Variants in TRIM37 observed in about 807,000 individuals in gnomAD.
TRIM37 encodes the protein tripartite motif containing 37.
In TRIM37, 80 loss-of-function variants were observed where a neutral mutation model predicts 129.8. The observed-to-expected ratio is 0.62, with a 90% confidence interval of 0.51 to 0.74. The LOEUF (loss-of-function observed/expected upper bound fraction) is 0.74, where lower values mean the gene tolerates loss of function less well. Among genes scored for constraint, TRIM37 ranks in the 30% least tolerant of loss-of-function variants. The pLI is 0.00. For missense variants in TRIM37, 1,054 were observed against 1,176.5 expected, an observed-to-expected ratio of 0.90 and a Z score of 1.52; for synonymous variants, 389 against 387.1, an observed-to-expected ratio of 1.00 and a Z score of -0.06.
chr17:59,048,570 T>C (rs1454406789), intron 15 of TRIM37, among the ~76,000 whole-genome samples: 2 of 152,214 alleles, frequency 1.3e-5, no homozygotes, highest in African/African-American at 4.8e-5. Context: ...CATGTACTAG[T>C]TTCAGTGAAT....
chr17:58,972,723 G>T, the TRIM37 span: 1 of 987,428 alleles, frequency 1.0e-6, no homozygotes, highest in East Asian at 2.5e-5. Flanking sequence ...GAGAAACAAA[G>T]AGAACCTTTT....
intron 19 of TRIM37, among the ~76,000 whole-genome samples, chr17:59,020,082 T>A: frequency 6.6e-6 from 1 of 151,068 alleles, no homozygotes; most frequent in East Asian, 2.0e-4. Flanking sequence ...AATACAAAAA[T>A]TAGCCCGGTG....
At chr17:59,067,255 G>T (rs996492541) in intron 9 of TRIM37, among the ~76,000 whole-genome samples, 2 of 152,180 alleles carry the variant, frequency 1.3e-5, no homozygotes, top group Non-Finnish European at 2.9e-5. Context: ...TGTGTCTGCA[G>T]ATGAGGCACT....
At chr17:59,081,263 T>A in intron 5 of TRIM37, 44 bp from the exon 6 acceptor site, 2 of 1,600,138 alleles carry the variant, frequency 1.2e-6, no homozygotes, top group Non-Finnish European at 1.7e-6. Flanking sequence ...ACATATCTCA[T>A]CTGCATTTAC....
chr17:59,067,186 T>A (rs538467453), intron 9 of TRIM37, among the ~76,000 whole-genome samples: 1 of 152,300 alleles, frequency 6.6e-6, no homozygotes, highest in African/African-American at 2.4e-5. Flanking sequence ...CACCACCACA[T>A]CTCCATATTA....
chr17:58,991,862 A>G (rs948347584), intron 24 of TRIM37, among the ~76,000 whole-genome samples: 5 of 152,112 alleles, frequency 3.3e-5, no homozygotes, highest in Non-Finnish European at 5.9e-5. Flanking sequence ...GCGTCTCAGT[A>G]AAGACTCTAC....
chr17:59,017,190 T>G, intron 20 of TRIM37, 106 bp downstream of exon 20: 1 of 1,419,020 alleles, frequency 7.0e-7, no homozygotes, highest in East Asian at 2.3e-5. Context: ...AAATCCAACT[T>G]TAGCATTTTT....
At chr17:58,985,255 G>A (rs1419832823) in intron 24 of TRIM37, 1 of 152,570 alleles carries the variant, frequency 6.6e-6, no homozygotes, top group Admixed American at 6.6e-5. Context: ...CTTCAGAACT[G>A]GAAAATAAAA....
At chr17:59,031,860 C>T (rs2037881254) in intron 18 of TRIM37, 36 bp downstream of exon 18, 3 of 1,606,548 alleles carry the variant, frequency 1.9e-6, no homozygotes, top group Non-Finnish European at 2.6e-6. Flanking sequence ...TAGAGAACCA[C>T]AGAAAAAAAG....
At chr17:59,017,096 C>T (rs969134721) in intron 20 of TRIM37, among the ~76,000 whole-genome samples, 200 bp downstream of exon 20, 1 of 151,898 alleles carries the variant, frequency 6.6e-6, no homozygotes, top group African/African-American at 2.4e-5. Context: ...AACCACCGGT[C>T]GAGGCCACGG....
intron 17 of TRIM37, among the ~76,000 whole-genome samples, chr17:59,038,477 T>G (rs887186374): frequency 6.6e-6 from 1 of 152,166 alleles, no homozygotes; most frequent in Non-Finnish European, 1.5e-5. Context: ...CCTGGATTAT[T>G]ACAGAATATT....
intron 4 of TRIM37, among the ~76,000 whole-genome samples, chr17:59,086,760 T>G (rs1480928173): frequency 6.6e-6 from 1 of 152,184 alleles, no homozygotes; most frequent in Non-Finnish European, 1.5e-5. Context: ...ATAGAAAATT[T>G]GCCAAAACTC....
At chr17:58,981,096 A>T, downstream of TRIM37, 1 of 1,163,326 alleles carries the variant, frequency 8.6e-7, no homozygotes, top group Non-Finnish European at 1.2e-6. Context: ...AGTAGAAACA[A>T]GGTAGACATT....
intron 24 of TRIM37, among the ~76,000 whole-genome samples, chr17:58,993,097 A>G (rs1448706195): frequency 6.6e-6 from 1 of 152,172 alleles, no homozygotes; most frequent in African/African-American, 2.4e-5. Context: ...GTAATACTGA[A>G]TAAGCCTCAT....
chr17:59,021,312 T>A (rs1465648403), intron 19 of TRIM37, among the ~76,000 whole-genome samples: 1 of 152,098 alleles, frequency 6.6e-6, no homozygotes, highest in Non-Finnish European at 1.5e-5. Context: ...GGAGAATGAC[T>A]TGAATCCAGG....
the TRIM37 span, chr17:58,969,863 G>C: frequency 7.3e-6 from 6 of 820,522 alleles, no homozygotes; most frequent in Non-Finnish European, 9.4e-6. Flanking sequence ...TCACAGTATT[G>C]GATTCTGTTG....
rs2147707295 is a variant in TRIM37, at chr17:59,104,580, TTTGGTTTCACGA to T, written c.22-198_22-187del. 14 of 756,868 alleles carry T rather than the reference TTTGGTTTCACGA, an allele frequency of 1.8e-5. 1 individual carries two copies. In the South Asian group the frequency reaches 1.9e-4, roughly 10 times the overall value. The allele number at this position is 756,868 out of a possible 1,614,324, so 46.9% of individuals were successfully genotyped here. On this transcript the variant is annotated intron_variant, in intron 1 of 23. Coordinates refer to ENST00000262294, the MANE Select transcript of TRIM37 (RefSeq NM_015294.6). ...AAAACATCTGGAAAATGTACTCCCG[TTTGGTTTCACGA>T]TGATTCTATTCTAAGGAAAATATAG...
At chr17:58,995,984 A>G (rs1297690393), downstream of TRIM37, among the ~76,000 whole-genome samples, 1 of 152,042 alleles carries the variant, frequency 6.6e-6, no homozygotes, top group African/African-American at 2.4e-5. Context: ...ATGGGTAACA[A>G]AGCCAGACCC....
At chr17:58,988,102 G>A (rs917320798) in intron 24 of TRIM37, among the ~76,000 whole-genome samples, 4 of 152,194 alleles carry the variant, frequency 2.6e-5, no homozygotes, top group African/African-American at 7.2e-5. Context: ...CACTAGTTTC[G>A]TAGGGTCGTT....
Sources: allele counts gnomAD v4.1 joint callset (sites outside exome capture counted in the v4.1 genomes callset), GRCh38; gene constraint gnomAD v4.1.1; transcripts MANE v1.5; gene names NCBI Gene and HGNC (gene_info 2026-07-23, HGNC 2026-07-21).